The following ELAVL2 variants were observed in gnomAD, a reference collection of about 807,000 sequenced individuals.
ELAVL2 encodes the protein ELAV-like protein 2.
Under a neutral mutation model 34.6 loss-of-function variants are expected in ELAVL2, and 4 were observed. That is an observed-to-expected ratio of 0.12 (90% CI 0.06 to 0.26). The LOEUF (loss-of-function observed/expected upper bound fraction) is 0.26. Among genes scored for constraint, ELAVL2 ranks in the 10% least tolerant of loss-of-function variants. The probability of loss-of-function intolerance (pLI) is 1.00; values close to 1 mark genes in which losing one functional copy is unlikely to be tolerated. For synonymous variants in ELAVL2, 193 were observed against 154.8 expected, an observed-to-expected ratio of 1.25 and a Z score of -1.83; for missense variants, 432 against 442.8, an observed-to-expected ratio of 0.98 and a Z score of 0.22.
chr9:23,691,586 A>T lies in ELAVL2; in HGVS notation c.*971T>A, dbSNP rs1464560253. 1 of 152,258 alleles carries T rather than the reference A, an allele frequency of 6.6e-6. No homozygotes were observed. Among genetic ancestry groups the T allele is most frequent in the African/African-American group, 2.4e-5 (1 of 41,334 alleles). The allele number at this position is 152,258 out of a possible 1,614,324, so 9.4% of individuals were successfully genotyped here. On this transcript the variant is annotated 3_prime_UTR_variant, in exon 7 of 7. Coordinates refer to ENST00000397312, the MANE Select transcript of ELAVL2 (RefSeq NM_004432.5). Reference sequence around the variant, plus strand: ...ATATATTCTTTTGTAAATTTTTTTTATTTGTTTCAAAATCACAAATCAATG... The same window carrying T: ...ATATATTCTTTTGTAAATTTTTTTTTTTTGTTTCAAAATCACAAATCAATG...
chr9:23,765,953 A>G (rs900410896), intron 1 of ELAVL2, among the ~76,000 whole-genome samples: 3 of 152,306 alleles, frequency 2.0e-5, no homozygotes, highest in African/African-American at 7.2e-5. Context: ...AAACAGAGCC[A>G]TGATATTGGC....
chr9:23,743,073 A>C (rs1564214166), intron 2 of ELAVL2, among the ~76,000 whole-genome samples: 1 of 152,210 alleles, frequency 6.6e-6, no homozygotes, highest in Non-Finnish European at 1.5e-5. Flanking sequence ...CACAGTCCCC[A>C]GAGGAAATTG....
At chr9:23,814,000 A>C (rs1165014231) in intron 1 of ELAVL2, among the ~76,000 whole-genome samples, 1 of 152,170 alleles carries the variant, frequency 6.6e-6, no homozygotes, top group Non-Finnish European at 1.5e-5. Context: ...GCAGTCGATA[A>C]ATGTGGACTC....
At position 23,704,507 on chromosome 9, in the gene ELAVL2, T is replaced by G. The variant is rs139991506; in HGVS notation, c.487+411A>C. On this transcript the variant is annotated intron_variant, in intron 4 of 6. Transcript: ENST00000397312. ...ACAGCCTGAACAGCAATTACCAGTG[T>G]GGATGTAGTGTAATCCTCCCTTGGA... Among the ~76,000 whole-genome samples, 835 of 152,266 alleles carry G rather than the reference T, an allele frequency of 5.5e-3. 5 individuals are homozygous for G. The highest frequency in any genetic ancestry group is 8.5e-3 in the Non-Finnish European group (575 of 68,014).
intron 3 of ELAVL2, among the ~76,000 whole-genome samples, chr9:23,707,366 C>G (rs940199123): frequency 6.6e-6 from 1 of 152,190 alleles, no homozygotes; most frequent in African/African-American, 2.4e-5. Context: ...ACGTGCATCC[C>G]TATCTAGGAT....
In ELAVL2 at chr9:23,781,227, C is replaced by A. The variant is rs369363269; in HGVS notation, c.-15-18978G>T. On this transcript the variant is annotated intron_variant, in intron 1 of 6. Transcript: ENST00000397312. Reference sequence around the variant, plus strand: ...TAGGGTATTGTTCTCAAGGCACTAACCTTCTTGAGAATTGTTTTCTGCTTT... The same window carrying A: ...TAGGGTATTGTTCTCAAGGCACTAAACTTCTTGAGAATTGTTTTCTGCTTT... Among the ~76,000 whole-genome samples the A allele has an allele frequency of 5.3e-5, 8 of 152,224 alleles. No homozygotes were observed. In the East Asian group the frequency reaches 1.3e-3, roughly 26 times the overall value.
intron 2 of ELAVL2, among the ~76,000 whole-genome samples, chr9:23,757,339 A>G (rs1270466397): frequency 6.6e-6 from 1 of 152,068 alleles, no homozygotes; most frequent in African/African-American, 2.4e-5. Context: ...TGCCTCCAAC[A>G]AGTGGCAAAG....
chr9:23,815,842 T>C (rs1199814494), intron 1 of ELAVL2, among the ~76,000 whole-genome samples: 2 of 152,126 alleles, frequency 1.3e-5, no homozygotes, highest in Admixed American at 1.3e-4. Flanking sequence ...CAAGACCTTA[T>C]GTGTGTGATT....
intron 2 of ELAVL2, among the ~76,000 whole-genome samples, chr9:23,750,959 G>A (rs2051821940): frequency 6.6e-6 from 1 of 152,132 alleles, no homozygotes; most frequent in African/African-American, 2.4e-5. Flanking sequence ...TTTACACACA[G>A]CTATGCCTCC....
chr9:23,718,554 A>C (rs977638932), intron 3 of ELAVL2, among the ~76,000 whole-genome samples: 2 of 152,182 alleles, frequency 1.3e-5, no homozygotes, highest in Admixed American at 6.5e-5. Flanking sequence ...GCAGAGATGG[A>C]AATTTGTGTA....
intron 2 of ELAVL2, among the ~76,000 whole-genome samples, chr9:23,749,820 ATG>A (rs1224880735): frequency 1.3e-5 from 2 of 152,038 alleles, no homozygotes; most frequent in African/African-American, 4.8e-5. Context: ...AGAGGTTTCT[ATG>A]TGTGGTGGGA....
intron 3 of ELAVL2, among the ~76,000 whole-genome samples, chr9:23,720,507 C>G (rs1010115854): frequency 6.6e-6 from 1 of 152,126 alleles, no homozygotes; most frequent in African/African-American, 2.4e-5. Flanking sequence ...AAGAACCATA[C>G]TGAAAATTCT....
intron 2 of ELAVL2, among the ~76,000 whole-genome samples, chr9:23,741,483 TTC>T (rs2049165288): frequency 1.3e-5 from 2 of 152,102 alleles, no homozygotes. Context: ...ATCACCCACA[TTC>T]TTTTTCCTTC....
chr9:23,735,105 C>CCAAAAAAAAAAAAAAAAAAAAAAA (rs547064169), intron 2 of ELAVL2: 1 of 27,952 alleles, frequency 3.6e-5, no homozygotes, highest in East Asian at 1.3e-3. Context: ...TAAGGCTCTT[C>CCAAAAAAAAAAAAAAAAAAAAAAA]AAAAAAAAAA....
intron 1 of ELAVL2, among the ~76,000 whole-genome samples, chr9:23,767,001 G>A (rs1177092753): frequency 1.3e-5 from 2 of 152,152 alleles, no homozygotes; most frequent in African/African-American, 4.8e-5. Flanking sequence ...CATCACTTGT[G>A]CCAATTCAGA....
At chr9:23,850,507 A>G in the ELAVL2 span, among the ~76,000 whole-genome samples, 1 of 151,988 alleles carries the variant, frequency 6.6e-6, no homozygotes. Context: ...CGAGCTGCAC[A>G]ATAGCCCCGG....
At chr9:23,700,116 A>G (rs958436329) in intron 5 of ELAVL2, among the ~76,000 whole-genome samples, 5 of 152,192 alleles carry the variant, frequency 3.3e-5, no homozygotes, top group Non-Finnish European at 7.3e-5. Flanking sequence ...GCTAGAAAAC[A>G]TAACTCCTGA....
chr9:23,847,098 A>T, the ELAVL2 span, among the ~76,000 whole-genome samples: 3 of 152,144 alleles, frequency 2.0e-5, no homozygotes, highest in African/African-American at 7.2e-5. Flanking sequence ...GAGTCATAGC[A>T]GGTAGACAAT....
chr9:23,696,389 G>C (rs1169072973), intron 5 of ELAVL2, among the ~76,000 whole-genome samples: 1 of 152,188 alleles, frequency 6.6e-6, no homozygotes, highest in Non-Finnish European at 1.5e-5. Context: ...TAGTGCAGCA[G>C]CTCAAACACA....
Sources: allele counts gnomAD v4.1 joint callset (sites outside exome capture counted in the v4.1 genomes callset), GRCh38; gene constraint gnomAD v4.1.1; transcripts MANE v1.5; gene names NCBI Gene and HGNC (gene_info 2026-07-23, HGNC 2026-07-21).